Variants in MED23 observed in about 807,000 individuals in gnomAD.
The protein encoded by MED23 is mediator of RNA polymerase II transcription subunit 23.
A neutral mutation model predicts 163.9 loss-of-function variants in MED23; 105 were observed. The observed-to-expected ratio is 0.64, with a 90% confidence interval of 0.55 to 0.75. The LOEUF (loss-of-function observed/expected upper bound fraction) is 0.75, where lower values mean the gene tolerates loss of function less well. MED23 is among the 30% of genes least tolerant of loss of function. MED23 has a pLI of 0.00. For missense variants in MED23, 1,054 were observed against 1,649.0 expected (o/e 0.64, Z 6.25); for synonymous variants, 561 against 565.6 (o/e 0.99, Z 0.12).
chr6:131,576,729 G>C lies in MED23; in HGVS notation c.4096-2434C>G. On this transcript the variant is annotated intron_variant, in intron 30 of 30. Transcript: ENST00000354577. ...GGCTGGTCTGCTTGAGAAACTTAAA[G>C]AACAAGGTAATTTTTAAGTTGAAAA... The C allele has an allele frequency of 6.2e-7, 1 of 1,613,430 alleles. No homozygotes were observed. The highest frequency in any genetic ancestry group is 8.5e-7 in the Non-Finnish European group (1 of 1,179,410).
At chr6:131,627,770 A>T in intron 1 of MED23, 98 bp from the exon 2 acceptor site, 1 of 1,212,510 alleles carries the variant, frequency 8.2e-7, no homozygotes, top group South Asian at 1.3e-5. Flanking sequence ...AAGTCACCTT[A>T]ATCAGCTCTG....
chr6:131,604,131 T>C, intron 15 of MED23, 47 bp downstream of exon 15: 1 of 1,605,866 alleles, frequency 6.2e-7, no homozygotes, highest in Non-Finnish European at 8.5e-7. Context: ...AACTTTAGAG[T>C]TAATGAATGG....
chr6:131,598,742 T>G lies in MED23; in HGVS notation c.2240A>C (p.Asn747Thr). 6.2e-7 allele frequency: 1 copy of G among 1,614,034 alleles called. No homozygotes were observed. Among genetic ancestry groups the G allele is most frequent in the Non-Finnish European group, 8.5e-7 (1 of 1,179,968 alleles). The part of the protein sequence containing the change: ...GPLQAFFKQN[N>T]VPQESRFNLK... ...ATTAAAACGGCTTTCCTGAGGCACATTATTTTGTTTGAAGAATGCCTAAAA... is the reference window on the plus strand; with the variant it reads ...ATTAAAACGGCTTTCCTGAGGCACAGTATTTTGTTTGAAGAATGCCTAAAA... The change falls in exon 19 of 29, where the codon AAT becomes ACT. Residue 747 changes from asparagine to threonine, a missense_variant. Physicochemically the swap from Asn to Thr is moderately conservative, Grantham distance 65. Coordinates refer to ENST00000368068, the MANE Select transcript of MED23 (RefSeq NM_004830.4). This position sits in a 1 kb window ranked among gnomAD's most constrained non-coding sequence, Gnocchi z 4.7.
intron 3 of MED23, among the ~76,000 whole-genome samples, chr6:131,626,790 T>C (rs1777533896): frequency 1.3e-5 from 2 of 152,256 alleles, no homozygotes; most frequent in Admixed American, 1.3e-4. Flanking sequence ...CACCAGTGGC[T>C]GACACGCAAA....
At position 131,619,826 on chromosome 6, in the gene MED23, C is replaced by T. The variant is rs775254132; in HGVS notation, c.667+1G>A. ...TGGCATATTTAAAATTATAATCCTACCACAAATGGAGTTTATCCTTGCTGT... is the reference window on the plus strand; with the variant it reads ...TGGCATATTTAAAATTATAATCCTATCACAAATGGAGTTTATCCTTGCTGT... On this transcript the variant is annotated splice_donor_variant, in intron 8 of 28. Coordinates refer to ENST00000368068, the MANE Select transcript of MED23 (RefSeq NM_004830.4). LOFTEE classifies it high-confidence loss of function. 3 of 1,601,964 alleles carry T rather than the reference C, an allele frequency of 1.9e-6. No individual in the cohort carries two copies. The highest frequency in any genetic ancestry group is 2.6e-6 in the Non-Finnish European group (3 of 1,169,704).
In MED23 at chr6:131,598,476, CAG is replaced by C; in HGVS notation, c.2427-11_2427-10del. The C allele has an allele frequency of 6.2e-7, 1 of 1,614,068 alleles. No homozygotes were observed. Among genetic ancestry groups the C allele is most frequent in the Non-Finnish European group, 8.5e-7 (1 of 1,179,970 alleles). ...CAATTCTCTCTAATACTCTGGAAGGCAGAGAGTAAAACATAAACTCCATTGTT... is the reference window on the plus strand; with the variant it reads ...CAATTCTCTCTAATACTCTGGAAGGCAGAGTAAAACATAAACTCCATTGTT... On this transcript the variant is annotated splice_polypyrimidine_tract_variant and intron_variant, in intron 19 of 28. Coordinates refer to ENST00000368068, the MANE Select transcript of MED23 (RefSeq NM_004830.4). The surrounding 1 kb of genome is among the most constrained non-coding windows in gnomAD (Gnocchi z 4.7).
Position 131,589,597 on chromosome 6 carries a change from CTATT to C in MED23, c.3808-5_3808-2del. 1 of 1,613,718 alleles carries C rather than the reference CTATT, an allele frequency of 6.2e-7. No individual in the cohort carries two copies. The highest frequency in any genetic ancestry group is 8.5e-7 in the Non-Finnish European group (1 of 1,179,740). On this transcript the variant is annotated splice_acceptor_variant and splice_polypyrimidine_tract_variant and intron_variant, in intron 27 of 28. Transcript: ENST00000368068. LOFTEE classifies it high-confidence loss of function. ...GCATGTCATAAAACGCCACACCAAT[CTATT>C]TAACAAATAATGTAAAATTATTTAA...
At chr6:131,600,264 C>T in intron 17 of MED23, 102 bp from the exon 18 acceptor site, 1 of 1,179,936 alleles carries the variant, frequency 8.5e-7, no homozygotes. Context: ...GAGAATTTCA[C>T]TGCAGTGCAT....
Position 131,592,482 on chromosome 6 carries a change from G to GT in MED23, c.3399-23dup, listed in dbSNP as rs753752888. The GT allele has an allele frequency of 2.5e-6, 4 of 1,606,102 alleles. No homozygotes were observed. The South Asian group carries it at 3.3e-5, about 13-fold the overall frequency. Reference sequence around the variant, plus strand: ...CTGACTGCAACCGGCAAAAAAGAATGTAAGTATGAATTTATAAAAACATTT... The same window carrying GT: ...CTGACTGCAACCGGCAAAAAAGAATGTTAAGTATGAATTTATAAAAACATTT... On this transcript the variant is annotated intron_variant, in intron 24 of 28. Coordinates refer to ENST00000368068, the MANE Select transcript of MED23 (RefSeq NM_004830.4).
intron 10 of MED23, among the ~76,000 whole-genome samples, chr6:131,615,133 A>G (rs554013832): frequency 2.0e-5 from 3 of 151,390 alleles, no homozygotes; most frequent in African/African-American, 7.2e-5. Context: ...CCAAAAAAAC[A>G]AAAACAAAAA....
At chr6:131,612,601 T>C (rs1030500013) in intron 10 of MED23, among the ~76,000 whole-genome samples, 4 of 152,140 alleles carry the variant, frequency 2.6e-5, no homozygotes, top group African/African-American at 9.6e-5. Flanking sequence ...ATAGTTAAAT[T>C]TGTTAGTGTA....
chr6:131,627,123 G>T lies in MED23; in HGVS notation c.159+273C>A, dbSNP rs915800469. ...TGTACCAAATAAATCCGAATAGGATGAAAATGATCTCAATTAATCTAACAT... is the reference window on the plus strand; with the variant it reads ...TGTACCAAATAAATCCGAATAGGATTAAAATGATCTCAATTAATCTAACAT... On this transcript the variant is annotated intron_variant, in intron 3 of 28. Coordinates refer to ENST00000368068, the MANE Select transcript of MED23 (RefSeq NM_004830.4). 5.8e-5 allele frequency: 22 copies of T among 381,464 alleles called. No homozygotes were observed. In the Admixed American group the frequency reaches 8.8e-4, roughly 15 times the overall value. The allele number at this position is 381,464 out of a possible 1,614,324, so 23.6% of individuals were successfully genotyped here.
chr6:131,614,451 ATTT>A (rs1299291505), intron 10 of MED23, among the ~76,000 whole-genome samples: 1 of 152,226 alleles, frequency 6.6e-6, no homozygotes, highest in East Asian at 1.9e-4. Flanking sequence ...AAGCTGGTCT[ATTT>A]TAATATGTTG....
chr6:131,615,414 A>C, intron 10 of MED23: 3 of 1,495,848 alleles, frequency 2.0e-6, no homozygotes, highest in Non-Finnish European at 2.8e-6. Context: ...GAAAAGACAA[A>C]ACAGTGACTA....
intron 11 of MED23, among the ~76,000 whole-genome samples, chr6:131,608,524 T>G (rs938681713): frequency 1.3e-5 from 2 of 152,080 alleles, no homozygotes; most frequent in Non-Finnish European, 2.9e-5. Flanking sequence ...TCATAAAACA[T>G]GCTTCCTCAT....
rs753853344 is a variant in MED23, at chr6:131,594,317, A to G, written c.3014T>C (p.Leu1005Pro). ...YKFHDRPVTYLYNTLHYYEMH... is the reference protein window; with the variant it reads ...YKFHDRPVTYPYNTLHYYEMH... Reference sequence around the variant, plus strand: ...TTCATAATAGTGCAGAGTGTTATACAGATAAGTCACTGGACGATCTGCCAA... The same window carrying G: ...TTCATAATAGTGCAGAGTGTTATACGGATAAGTCACTGGACGATCTGCCAA... Residue 1005 changes from leucine to proline, a missense_variant, in exon 23 of 29, where the codon CTG (leucine) becomes CCG (proline). By Grantham distance (98) the Leu-to-Pro change is moderately conservative (BLOSUM62 -3). This residue lies in a region of MED23 where 362 missense variants were observed against 471.6 expected (regional missense o/e 0.77). Transcript: ENST00000368068. The G allele has an allele frequency of 6.2e-7, 1 of 1,613,930 alleles. No homozygotes were observed. Among genetic ancestry groups the G allele is most frequent in the South Asian group, 1.1e-5 (1 of 91,080 alleles).
chr6:131,597,475 C>CAAAA lies in MED23; in HGVS notation c.2608-791_2608-788dup, dbSNP rs59083644. ...TGGGCGACAGAGAAAGACTCCATATCAAAAAAAAAAAAAAAAAAAAAAGAA... is the reference window on the plus strand; with the variant it reads ...TGGGCGACAGAGAAAGACTCCATATCAAAAAAAAAAAAAAAAAAAAAAAAAAGAA... On this transcript the variant is annotated intron_variant, in intron 20 of 28. Transcript: ENST00000368068. Among the ~76,000 whole-genome samples the CAAAA allele has an allele frequency of 1.6e-3, 85 of 53,714 alleles. 5 individuals are homozygous for CAAAA. Among genetic ancestry groups the CAAAA allele is most frequent in the African/African-American group, 4.3e-3 (62 of 14,490 alleles). The allele number at this position is 53,714 out of a possible 152,430, so 35.2% of individuals were successfully genotyped here. A position where few individuals can be genotyped will look rare whatever the true frequency, so the allele number is the denominator to read the frequency against.
chr6:131,597,820 T>A lies in MED23; in HGVS notation c.2607+467A>T, dbSNP rs1023762322. On this transcript the variant is annotated intron_variant, in intron 20 of 28. Coordinates refer to ENST00000368068, the MANE Select transcript of MED23 (RefSeq NM_004830.4). ...GGAAATTGGGGCTGGAAGCAGTAGCTCACGCCTGTAATCCCAGCACTTTGG... is the reference window on the plus strand; with the variant it reads ...GGAAATTGGGGCTGGAAGCAGTAGCACACGCCTGTAATCCCAGCACTTTGG... 3.9e-5 allele frequency among the ~76,000 whole-genome samples: 6 copies of A among 152,296 alleles called. 1 individual carries two copies. In the Middle Eastern group the frequency reaches 0.014, roughly 345 times the overall value.
chr6:131,627,979 C>T, intron 1 of MED23, 32 bp downstream of exon 1: 1 of 1,613,808 alleles, frequency 6.2e-7, no homozygotes, highest in Non-Finnish European at 8.5e-7. Flanking sequence ...GTCCCCAAGC[C>T]GTAGTCCTGG....
Sources: allele counts gnomAD v4.1 joint callset (sites outside exome capture counted in the v4.1 genomes callset), GRCh38; gene constraint gnomAD v4.1.1; regional missense constraint gnomAD v4.1.1; non-coding constraint Gnocchi (gnomAD v3.1); transcripts MANE v1.5; gene names NCBI Gene and HGNC (gene_info 2026-07-23, HGNC 2026-07-21).